COL28A1: variants seen among roughly 807,000 people sequenced by gnomAD.
The protein encoded by COL28A1 is collagen type XXVIII alpha 1 chain, also known as collagen alpha-1(XXVIII) chain.
A neutral mutation model predicts 150.2 loss-of-function variants in COL28A1; 161 were observed. That is an observed-to-expected ratio of 1.07 (90% CI 0.94 to 1.22). The LOEUF is 1.22. Among genes scored for constraint, COL28A1 ranks in the 50% most tolerant of loss-of-function variants. COL28A1 has a pLI of 0.00. For synonymous variants in COL28A1, 552 were observed against 469.7 expected, an observed-to-expected ratio of 1.18 and a Z score of -2.26; for missense variants, 1,617 against 1,388.3, an observed-to-expected ratio of 1.16 and a Z score of -2.62.
chr7:7,536,722 G>A (rs556688810), upstream of COL28A1, among the ~76,000 whole-genome samples: 2 of 152,264 alleles, frequency 1.3e-5, no homozygotes, highest in East Asian at 1.9e-4. Flanking sequence ...GCATGTTACG[G>A]TTATTTAAAA....
In COL28A1 at chr7:7,520,785, A is replaced by C. The variant is rs191592289; in HGVS notation, c.760-670T>G. On this transcript the variant is annotated intron_variant, in intron 5 of 34. Transcript: ENST00000399429. ...GTGCTTAGCAATTGTGAGCTTTCTT[A>C]TTGCTCATTTTAAAATATAAAGAAA... Among the ~76,000 whole-genome samples the C allele has an allele frequency of 3.3e-4, 50 of 152,284 alleles. 1 individual carries two copies. The highest frequency in any genetic ancestry group is 1.1e-3 in the African/African-American group (47 of 41,562).
At chr7:7,476,265 C>T (rs762204742) in intron 14 of COL28A1, among the ~76,000 whole-genome samples, 3 of 152,174 alleles carry the variant, frequency 2.0e-5, no homozygotes, top group Admixed American at 1.3e-4. Context: ...TGTATCTTTA[C>T]GTACTCTGAA....
In COL28A1 at chr7:7,509,777, T is replaced by A. The variant is rs139240880; in HGVS notation, c.927+1314A>T. On this transcript the variant is annotated intron_variant, in intron 9 of 34. Coordinates refer to ENST00000399429, the MANE Select transcript of COL28A1 (RefSeq NM_001037763.3). Reference sequence around the variant, plus strand: ...AGTTTTCCCAGGTATTCTTTGACTTTCATTTCTATTCTATTCTATGTGTGT... The same window carrying A: ...AGTTTTCCCAGGTATTCTTTGACTTACATTTCTATTCTATTCTATGTGTGT... Among the ~76,000 whole-genome samples the A allele has an allele frequency of 2.6e-3, 389 of 152,348 alleles. 2 individuals carry two copies. Among genetic ancestry groups the A allele is most frequent in the Admixed American group, 3.9e-3 (60 of 15,306 alleles).
intron 33 of COL28A1, among the ~76,000 whole-genome samples, chr7:7,364,769 A>G (rs1780845948): frequency 6.6e-6 from 1 of 152,132 alleles, no homozygotes; most frequent in Non-Finnish European, 1.5e-5. Context: ...CTTGTTTCCT[A>G]TATATAAATA....
intron 33 of COL28A1, among the ~76,000 whole-genome samples, chr7:7,361,731 C>A (rs1385173838): frequency 6.6e-6 from 1 of 151,362 alleles, no homozygotes; most frequent in Non-Finnish European, 1.5e-5. Context: ...GACACACGCA[C>A]ACATATGTTT....
rs6950838 is a variant in COL28A1, at chr7:7,503,948, C to A, written c.1026+2066G>T. 5.5e-3 allele frequency among the ~76,000 whole-genome samples: 839 copies of A among 152,216 alleles called. 9 individuals carry two copies. Among genetic ancestry groups the A allele is most frequent in the African/African-American group, 0.019 (799 of 41,558 alleles). On this transcript the variant is annotated intron_variant, in intron 11 of 34. Coordinates refer to ENST00000399429, the MANE Select transcript of COL28A1 (RefSeq NM_001037763.3). ...AACTTTGTGCTTAAAACTTAAGTGG[C>A]AATTTCATGTCATGTATATTTTACA...
chr7:7,351,019 T>C, the COL28A1 span, among the ~76,000 whole-genome samples: 2 of 152,170 alleles, frequency 1.3e-5, no homozygotes, highest in Non-Finnish European at 2.9e-5. Flanking sequence ...TACTTATTGA[T>C]TTAGAATTCT....
At chr7:7,414,795 C>T (rs567493645) in intron 27 of COL28A1, among the ~76,000 whole-genome samples, 1 of 152,274 alleles carries the variant, frequency 6.6e-6, no homozygotes, top group South Asian at 2.1e-4. Context: ...CCAGTTGCTC[C>T]TAGGATTAAG....
chr7:7,395,450 T>C (rs1358942080), intron 27 of COL28A1, among the ~76,000 whole-genome samples: 3 of 152,234 alleles, frequency 2.0e-5, no homozygotes, highest in African/African-American at 7.2e-5. Context: ...TTCCAACTTT[T>C]GCAAAACGAA....
chr7:7,353,116 A>G (rs1030846742), downstream of COL28A1, among the ~76,000 whole-genome samples: 1 of 152,228 alleles, frequency 6.6e-6, no homozygotes, highest in Admixed American at 6.5e-5. Context: ...CAGATCATTC[A>G]TAGGTAAATC....
At chr7:7,346,210 A>G in the COL28A1 span, among the ~76,000 whole-genome samples, 1 of 151,816 alleles carries the variant, frequency 6.6e-6, no homozygotes, top group African/African-American at 2.4e-5. Flanking sequence ...ATATCTCATT[A>G]GCTAGTTTTA....
intron 2 of COL28A1, 67 bp from the exon 3 acceptor site, chr7:7,531,971 A>C: frequency 2.2e-6 from 2 of 928,622 alleles, no homozygotes; most frequent in Admixed American, 4.2e-5. Context: ...GCATACGGAA[A>C]GCCCTGAAGT....
Position 7,521,772 on chromosome 7 carries a change from C to A in COL28A1, c.759+133G>T, listed in dbSNP as rs535214446. 102 of 666,022 alleles carry A rather than the reference C, an allele frequency of 1.5e-4. No homozygotes were observed. The African/African-American group carries it at 1.6e-3, about 11-fold the overall frequency. 41.3% of individuals were successfully genotyped at this position (666,022 alleles called of 1,614,324 possible). ...CTTTAGAAATAAAAGAAAGAAGTAG[C>A]ATTTCCATTTTTCCTCCCATTTCCA... On this transcript the variant is annotated intron_variant, in intron 5 of 34. Transcript: ENST00000399429.
At chr7:7,458,989 A>C (rs1317702054) in intron 15 of COL28A1, among the ~76,000 whole-genome samples, 1 of 152,242 alleles carries the variant, frequency 6.6e-6, no homozygotes, top group Non-Finnish European at 1.5e-5. Flanking sequence ...AGGCGTGTTT[A>C]TATTATCACT....
rs1159793518 is a variant in COL28A1 at position 7,358,071 on chromosome 7, A to G, written c.*562T>C. On this transcript the variant is annotated 3_prime_UTR_variant, in exon 35 of 35. Coordinates refer to ENST00000399429, the MANE Select transcript of COL28A1 (RefSeq NM_001037763.3). ...TTGTAATTCAGATTGGTTTCTCCCT[A>G]TTACCACTTTCAGGGCAAGTGAGGC... 2 of 152,236 alleles carry G rather than the reference A, an allele frequency of 1.3e-5. No individual in the cohort carries two copies. Among genetic ancestry groups the G allele is most frequent in the African/African-American group, 2.4e-5 (1 of 41,450 alleles). The allele number at this position is 152,236 out of a possible 1,614,324, so 9.4% of individuals were successfully genotyped here.
chr7:7,365,435 C>T (rs1300346608), intron 33 of COL28A1, among the ~76,000 whole-genome samples: 1 of 152,092 alleles, frequency 6.6e-6, no homozygotes, highest in African/African-American at 2.4e-5. Context: ...TCCAGGGCTG[C>T]TCCGTGTAGC....
At chr7:7,517,297 A>C (rs1781468423) in intron 7 of COL28A1, among the ~76,000 whole-genome samples, 1 of 152,178 alleles carries the variant, frequency 6.6e-6, no homozygotes, top group Non-Finnish European at 1.5e-5. Context: ...CACTTACTGC[A>C]ATGCCCAGAA....
intron 30 of COL28A1, among the ~76,000 whole-genome samples, chr7:7,376,326 T>A (rs1004076572): frequency 6.6e-6 from 1 of 152,196 alleles, no homozygotes; most frequent in Non-Finnish European, 1.5e-5. Context: ...AAAAGTAAAA[T>A]TTTTAAGAAC....
intron 15 of COL28A1, among the ~76,000 whole-genome samples, chr7:7,471,951 G>C (rs978292977): frequency 6.6e-6 from 1 of 152,104 alleles, no homozygotes; most frequent in Non-Finnish European, 1.5e-5. Context: ...TGCAGAAAGA[G>C]CATTTGACAA....
Sources: allele counts gnomAD v4.1 joint callset (sites outside exome capture counted in the v4.1 genomes callset), GRCh38; gene constraint gnomAD v4.1.1; transcripts MANE v1.5; gene names NCBI Gene and HGNC (gene_info 2026-07-23, HGNC 2026-07-21).